MCFD2: variants seen among roughly 807,000 people sequenced by gnomAD.
MCFD2 encodes multiple coagulation factor deficiency 2, ER cargo receptor complex subunit.
Under a neutral mutation model 12.8 loss-of-function variants are expected in MCFD2, and 11 were observed. The observed-to-expected ratio is 0.86, with a 90% CI of 0.54 to 1.42. The LOEUF (loss-of-function observed/expected upper bound fraction) is 1.42. Among genes scored for constraint, MCFD2 ranks in the 40% most tolerant of loss-of-function variants. The pLI, the probability that MCFD2 is intolerant of heterozygous loss-of-function variation, is 0.00. For missense variants in MCFD2, 191 were observed against 178.6 expected (o/e 1.07, Z -0.40); for synonymous variants, 70 against 68.1 (o/e 1.03, Z -0.14).
At chr2:46,909,524 C>T (rs1367986292) in intron 1 of MCFD2, among the ~76,000 whole-genome samples, 3 of 152,168 alleles carry the variant, frequency 2.0e-5, no homozygotes, top group Non-Finnish European at 2.9e-5. Context: ...AGGCAGCCAG[C>T]AAGTTATATC....
chr2:46,941,319 G>C lies in MCFD2; in HGVS notation c.-8+253C>G, dbSNP rs562615201. 3.2e-3 allele frequency: 680 copies of C among 211,168 alleles called. 8 individuals carry two copies. The highest frequency in any genetic ancestry group is 0.015 in the African/African-American group (657 of 42,840). The allele number at this position is 211,168 out of a possible 1,614,324, so 13.1% of individuals were successfully genotyped here. ...CTGTACGCGTACGGGCCGCTCGGCC[G>C]GAGCCGCAGCCCGGAGGCGCCGGGC... On this transcript the variant is annotated intron_variant, in intron 1 of 2. Transcript: ENST00000409147. This position sits in a 1 kb window ranked among gnomAD's most constrained non-coding sequence, Gnocchi z 4.2.
At chr2:46,925,414 C>A (rs898169963) in intron 1 of MCFD2, among the ~76,000 whole-genome samples, 1 of 151,974 alleles carries the variant, frequency 6.6e-6, no homozygotes, top group Non-Finnish European at 1.5e-5. Flanking sequence ...AAAAATTAGC[C>A]GGGCATGGTG....
rs995902067 is a variant in MCFD2 at position 46,905,812 on chromosome 2, G to A, written c.310-218C>T. ...CTAGGAATCTAGATATATAGAGAGA[G>A]AATATGTATTATTGAGTCAATTTAT... is the stretch of plus-strand genomic sequence containing the variant. On this transcript the variant is annotated intron_variant, in intron 3 of 3. Coordinates refer to ENST00000319466, the MANE Select transcript of MCFD2 (RefSeq NM_139279.6). 9.2e-5 allele frequency: 58 copies of A among 630,294 alleles called. No individual in the cohort carries two copies. In the African/African-American group the frequency reaches 9.7e-4, roughly 11 times the overall value. The allele number at this position is 630,294 out of a possible 1,614,324, so 39.0% of individuals were successfully genotyped here.
intron 1 of MCFD2, among the ~76,000 whole-genome samples, chr2:46,929,607 G>GAAA (rs763708303): frequency 1.3e-5 from 2 of 152,208 alleles, no homozygotes; most frequent in Non-Finnish European, 2.9e-5. Context: ...CTGTGTATCA[G>GAAA]TGCTTATAGC....
At chr2:46,909,641 G>T (rs982741519) in intron 1 of MCFD2, among the ~76,000 whole-genome samples, 1 of 152,216 alleles carries the variant, frequency 6.6e-6, no homozygotes, top group African/African-American at 2.4e-5. Flanking sequence ...CTTCAGCTGG[G>T]CCTGGACAGA....
Position 46,907,733 on chromosome 2 carries a change from G to A in MCFD2, c.309+77C>T, listed in dbSNP as rs1404528981. 2 of 1,484,192 alleles carry A rather than the reference G, an allele frequency of 1.3e-6. No homozygotes were observed. The highest frequency in any genetic ancestry group is 1.4e-5 in the African/African-American group (1 of 72,456). The allele number at this position is 1,484,192 out of a possible 1,614,324, so 91.9% of individuals were successfully genotyped here. ...CTCTTGGCACATAAGGACAACACAA[G>A]TCAACAAGACTGGGGACCAAATTAA... On this transcript the variant is annotated intron_variant, in intron 3 of 3. Coordinates refer to ENST00000319466, the MANE Select transcript of MCFD2 (RefSeq NM_139279.6). This position sits in a 1 kb window ranked among gnomAD's most constrained non-coding sequence, Gnocchi z 4.1.
At position 46,941,005 on chromosome 2, in the gene MCFD2, T is replaced by A. The variant is rs1164765631; in HGVS notation, c.-8+567A>T. Among the ~76,000 whole-genome samples the A allele has an allele frequency of 6.6e-6, 1 of 150,940 alleles. No individual in the cohort carries two copies. The highest frequency in any genetic ancestry group is 2.4e-5 in the African/African-American group (1 of 40,888). ...GCGAGGCGCCCCCGGGCGCCGGGGC[T>A]CCGCGCGGGATTAAAGTGAGCTCCG... On this transcript the variant is annotated intron_variant, in intron 1 of 2. Coordinates refer to the MCFD2 transcript ENST00000409147. The surrounding 1 kb of genome is among the most constrained non-coding windows in gnomAD (Gnocchi z 4.2).
At chr2:46,919,426 G>A (rs534690884), upstream of MCFD2, among the ~76,000 whole-genome samples, 38 of 152,272 alleles carry the variant, frequency 2.5e-4, no homozygotes, top group African/African-American at 7.2e-4. Flanking sequence ...CCAGATACTC[G>A]GGAGGCTGAA....
intron 1 of MCFD2, among the ~76,000 whole-genome samples, chr2:46,931,485 T>A (rs868158830): frequency 6.6e-6 from 1 of 152,104 alleles, no homozygotes; most frequent in South Asian, 2.1e-4. Flanking sequence ...GAGCCCAATA[T>A]AATCACAAGA....
intron 1 of MCFD2, among the ~76,000 whole-genome samples, chr2:46,939,567 G>A (rs1670158571): frequency 6.6e-6 from 1 of 152,192 alleles, no homozygotes; most frequent in African/African-American, 2.4e-5. Flanking sequence ...TTCACTAGGT[G>A]CTCTACAACC....
At position 46,908,929 on chromosome 2, in the gene MCFD2, G is replaced by A; in HGVS notation, c.149+94C>T. 1 of 1,496,796 alleles carries A rather than the reference G, an allele frequency of 6.7e-7. No homozygotes were observed. Among genetic ancestry groups the A allele is most frequent in the Non-Finnish European group, 9.3e-7 (1 of 1,073,850 alleles). The allele number at this position is 1,496,796 out of a possible 1,614,324, so 92.7% of individuals were successfully genotyped here. A position where few individuals can be genotyped will look rare whatever the true frequency, so the allele number is the denominator to read the frequency against. ...GAATGTCAAGGAGCCATAGAAACAG[G>A]AAGAAGGAAAGGAGGACTGAGCATG... On this transcript the variant is annotated intron_variant, in intron 2 of 3. Transcript: ENST00000319466. The surrounding 1 kb of genome is among the most constrained non-coding windows in gnomAD (Gnocchi z 4.5).
In MCFD2 at chr2:46,937,920, C is replaced by CTG. The variant is rs1488080628; in HGVS notation, c.-8+3650_-8+3651dup. 6.6e-6 allele frequency among the ~76,000 whole-genome samples: 1 copy of CTG among 151,918 alleles called. No individual in the cohort carries two copies. Among genetic ancestry groups the CTG allele is most frequent in the Non-Finnish European group, 1.5e-5 (1 of 68,022 alleles). On this transcript the variant is annotated intron_variant, in intron 1 of 2. Transcript: ENST00000409147. This position sits in a 1 kb window ranked among gnomAD's most constrained non-coding sequence, Gnocchi z 4.0. ...GCAGGTCATGGACTGAAGAAAACTA[C>CTG]TGTGTATATATATGTAAAAGAGAGA...
At chr2:46,923,769 GT>G (rs1669235807) in intron 1 of MCFD2, among the ~76,000 whole-genome samples, 1 of 151,428 alleles carries the variant, frequency 6.6e-6, no homozygotes, top group Non-Finnish European at 1.5e-5. Context: ...TCTCACTCTT[GT>G]CCACCAGGCT....
chr2:46,915,806 G>GGGGGGGGGGGGGGGGGCGGC, upstream of MCFD2: 1 of 512,582 alleles, frequency 2.0e-6, no homozygotes, highest in Non-Finnish European at 2.1e-6. Flanking sequence ...CCTCGGCTTC[G>GGGGGGGGGGGGGGGGGCGGC]CCCCGCCCCC....
At chr2:46,925,843 A>G (rs1171235668) in intron 1 of MCFD2, among the ~76,000 whole-genome samples, 1 of 152,194 alleles carries the variant, frequency 6.6e-6, no homozygotes, top group Non-Finnish European at 1.5e-5. Flanking sequence ...CATACTTCCT[A>G]TGTGTTCAGC....
upstream of MCFD2, chr2:46,916,062 C>T (rs540276954): frequency 5.1e-6 from 5 of 985,458 alleles, no homozygotes; most frequent in Non-Finnish European, 4.8e-6. Flanking sequence ...CTAGGCAACG[C>T]CGGAAGCCCT....
intron 1 of MCFD2, among the ~76,000 whole-genome samples, chr2:46,924,686 G>A (rs1669292114): frequency 6.6e-6 from 1 of 152,072 alleles, no homozygotes; most frequent in African/African-American, 2.4e-5. Flanking sequence ...GAGCGCAGTG[G>A]TGCGATCTCA....
chr2:46,905,264 C>G lies in MCFD2; in HGVS notation c.*199G>C. ...TTGTCCAATAAGGTATTTAATAGCA[C>G]TTAGGGACTATTAGATGTCCCATTT... On this transcript the variant is annotated 3_prime_UTR_variant, in exon 4 of 4. Coordinates refer to ENST00000319466, the MANE Select transcript of MCFD2 (RefSeq NM_139279.6). 1 of 629,410 alleles carries G rather than the reference C, an allele frequency of 1.6e-6. No individual in the cohort carries two copies. 39.0% of individuals were successfully genotyped at this position (629,410 alleles called of 1,614,324 possible).
intron 1 of MCFD2, among the ~76,000 whole-genome samples, chr2:46,926,648 C>T (rs141340033): frequency 5.3e-5 from 8 of 152,278 alleles, no homozygotes; most frequent in East Asian, 3.9e-4. Flanking sequence ...AGCAACTGGA[C>T]GTCCTTTCAG....
Sources: gnomAD v4.1 joint callset for allele counts (sites outside exome capture counted in the v4.1 genomes callset) on GRCh38, gnomAD v4.1.1 for gene constraint, Gnocchi (gnomAD v3.1) non-coding constraint, MANE v1.5 for transcripts, NCBI Gene and HGNC (gene_info 2026-07-23, HGNC 2026-07-21) for gene names.